CHAT: variants seen among roughly 807,000 people sequenced by gnomAD.
The protein encoded by CHAT is acetyl CoA:choline O-acetyltransferase.
In CHAT, 61 loss-of-function variants were observed where a neutral mutation model predicts 76.9. The observed-to-expected ratio is 0.79, with a 90% CI of 0.65 to 0.98. CHAT has a LOEUF of 0.98. Ranked by LOEUF, CHAT falls within the 50% of genes least tolerant of loss-of-function variation. The pLI, the probability that CHAT is intolerant of heterozygous loss-of-function variation, is 0.00. For synonymous variants in CHAT, 407 were observed against 397.4 expected (o/e 1.02, Z -0.29); for missense variants, 946 against 986.9 (o/e 0.96, Z 0.56).
chr10:49,638,113 T>C (rs1333224603), intron 7 of CHAT, among the ~76,000 whole-genome samples: 1 of 152,234 alleles, frequency 6.6e-6, no homozygotes, highest in African/African-American at 2.4e-5. Flanking sequence ...ACATATTTTA[T>C]AGTATGCTTG....
intron 10 of CHAT, 126 bp from the exon 11 acceptor site, chr10:49,651,758 C>A: frequency 1.1e-6 from 1 of 926,762 alleles, no homozygotes; most frequent in Non-Finnish European, 1.6e-6. Flanking sequence ...TCCTGAAGGG[C>A]AGGGACTACG....
intron 13 of CHAT, among the ~76,000 whole-genome samples, chr10:49,660,162 C>T (rs777167791): frequency 6.6e-5 from 10 of 152,018 alleles, no homozygotes; most frequent in African/African-American, 2.4e-4. Context: ...TGAAATTGGC[C>T]GGGTGCAGTG....
Position 49,627,681 on chromosome 10 carries a change from T to C in CHAT, c.1007T>C (p.Ile336Thr), listed in dbSNP as rs121912823. The C allele has an allele frequency of 1.9e-6, 3 of 1,614,144 alleles. No homozygotes were observed. Among genetic ancestry groups the C allele is most frequent in the Non-Finnish European group, 8.5e-7 (1 of 1,179,982 alleles). Residue 336 changes from isoleucine to threonine, a missense_variant, in exon 7 of 15, where the codon ATA (isoleucine) becomes ACA (threonine). This residue lies in a region of CHAT where 548 missense variants were observed against 516.2 expected (regional missense o/e 1.06). Coordinates refer to ENST00000337653, the MANE Select transcript of CHAT (RefSeq NM_020549.5). Reference sequence around the variant, plus strand: ...GATCTGTTCACTCAGTTGAGAAAGATAGTCAAAATGGCTTCCAACGAGGAC... The same window carrying C: ...GATCTGTTCACTCAGTTGAGAAAGACAGTCAAAATGGCTTCCAACGAGGAC... Reference protein sequence around the residue: ...EGDLFTQLRKIVKMASNEDER... With the variant: ...EGDLFTQLRKTVKMASNEDER...
chr10:49,651,410 C>T (rs767999062), intron 10 of CHAT, among the ~76,000 whole-genome samples: 4 of 152,166 alleles, frequency 2.6e-5, no homozygotes, highest in Non-Finnish European at 5.9e-5. Context: ...ATAGACCTTG[C>T]CAGACACTGC....
Position 49,627,785 on chromosome 10 carries a change from G to T in CHAT, c.1111G>T (p.Asp371Tyr). 2 of 1,613,232 alleles carry T rather than the reference G, an allele frequency of 1.2e-6. No individual in the cohort carries two copies. The highest frequency in any genetic ancestry group is 1.7e-6 in the Non-Finnish European group (2 of 1,179,856). ...CGAGGCCAGGACGGTCCTCGTGAAAGGTCAGCCGCAGTGCCCAGCACATCT... is the reference window on the plus strand; with the variant it reads ...CGAGGCCAGGACGGTCCTCGTGAAATGTCAGCCGCAGTGCCCAGCACATCT... Reference protein sequence around the residue: ...WAEARTVLVKDSTNRDSLDMI... With the variant: ...WAEARTVLVKYSTNRDSLDMI... The change falls in exon 7 of 15, where the codon GAC becomes TAC. Residue 371 changes from aspartate (D) to tyrosine (Y), a missense_variant and splice_region_variant. Transcript: ENST00000337653.
At position 49,664,938 on chromosome 10, in the gene CHAT, A is replaced by C. The variant is rs771548584; in HGVS notation, c.2139A>C (p.Glu713Asp). The part of the protein sequence containing the change: ...SSSKFAKAVE[E>D]SLIDMRDLCS... ...GCAAGTTTGCAAAAGCTGTGGAAGA[A>C]AGCCTCATTGACATGAGAGACCTCT... The change falls in exon 15 of 15, where the codon GAA (glutamate) becomes GAC (aspartate). Residue 713 changes from glutamate (E) to aspartate (D), a missense_variant. Physicochemically the swap from Glu to Asp is conservative, Grantham distance 45 (BLOSUM62 2). Transcript: ENST00000337653. The C allele has an allele frequency of 2.7e-5, 44 of 1,614,138 alleles. No homozygotes were observed. Among genetic ancestry groups the C allele is most frequent in the Non-Finnish European group, 3.6e-5 (42 of 1,180,052 alleles).
chr10:49,633,572 C>T (rs1839197531), intron 7 of CHAT, among the ~76,000 whole-genome samples: 1 of 152,164 alleles, frequency 6.6e-6, no homozygotes, highest in African/African-American at 2.4e-5. Flanking sequence ...TCAGAGGGAG[C>T]CTGCACACCC....
chr10:49,642,771 A>C (rs1419552893), intron 7 of CHAT, among the ~76,000 whole-genome samples: 1 of 152,168 alleles, frequency 6.6e-6, no homozygotes, highest in Non-Finnish European at 1.5e-5. Flanking sequence ...GGGCTCTCAG[A>C]GTTCACCCTG....
intron 14 of CHAT, among the ~76,000 whole-genome samples, chr10:49,664,306 G>C (rs17775758): frequency 0.019 from 2,851 of 152,334 alleles, 39 homozygotes; most frequent in Non-Finnish European, 0.028. Context: ...GGAGAAATCA[G>C]AGAAGCCAGG....
chr10:49,643,865 C>A (rs34210537), intron 7 of CHAT, among the ~76,000 whole-genome samples: 9,845 of 152,262 alleles, frequency 0.065, 471 homozygotes, highest in East Asian at 0.2. Flanking sequence ...GAGGCCCAGG[C>A]CCCACCCTCA....
chr10:49,611,815 T>C, upstream of CHAT: 1 of 1,603,732 alleles, frequency 6.2e-7, no homozygotes, highest in Non-Finnish European at 8.5e-7. Flanking sequence ...GCAGTGGCTG[T>C]ACGGCGCGCT....
chr10:49,640,529 C>CG (rs1190613288), intron 7 of CHAT, among the ~76,000 whole-genome samples: 2 of 151,490 alleles, frequency 1.3e-5, no homozygotes, highest in Non-Finnish European at 1.5e-5. Context: ...GCTCCCTACA[C>CG]GGTCTCTATT....
At chr10:49,618,879 C>A (rs1268080691) in intron 2 of CHAT, among the ~76,000 whole-genome samples, 1 of 152,120 alleles carries the variant, frequency 6.6e-6, no homozygotes, top group Non-Finnish European at 1.5e-5. Flanking sequence ...GCCAGTTGTT[C>A]CCCCATTTAA....
intron 10 of CHAT, among the ~76,000 whole-genome samples, chr10:49,650,199 A>G (rs991276893): frequency 6.6e-6 from 1 of 152,172 alleles, no homozygotes; most frequent in Non-Finnish European, 1.5e-5. Flanking sequence ...GCATTCATTC[A>G]CTGGTTTGCT....
chr10:49,615,598 G>C (rs1838461185), intron 1 of CHAT, among the ~76,000 whole-genome samples: 1 of 152,230 alleles, frequency 6.6e-6, no homozygotes, highest in South Asian at 2.1e-4. Flanking sequence ...CTTTAGACTT[G>C]AGAGAATAGA....
upstream of CHAT, chr10:49,610,779 G>C (rs755134161): frequency 1.3e-6 from 2 of 1,568,034 alleles, no homozygotes; most frequent in Non-Finnish European, 1.7e-6. Context: ...CCCGGGCGGC[G>C]GCCACCAAGC....
At chr10:49,631,911 TGG>T (rs1665435862) in intron 7 of CHAT, among the ~76,000 whole-genome samples, 6 of 148,170 alleles carry the variant, frequency 4.0e-5, no homozygotes, top group Admixed American at 6.8e-5. Context: ...ATATTCATGA[TGG>T]GGACCTAGGA....
At chr10:49,659,759 G>A (rs557546274) in intron 13 of CHAT, among the ~76,000 whole-genome samples, 1 of 152,116 alleles carries the variant, frequency 6.6e-6, no homozygotes, top group African/African-American at 2.4e-5. Flanking sequence ...CTACTAAGGA[G>A]GCTGAGGCAG....
chr10:49,647,832 T>C (rs1839730069), intron 8 of CHAT: 1 of 152,706 alleles, frequency 6.5e-6, no homozygotes, highest in Non-Finnish European at 1.4e-5. Flanking sequence ...CACAGATAAG[T>C]ACTAATGTGG....
Sources: gnomAD v4.1 joint callset for allele counts (sites outside exome capture counted in the v4.1 genomes callset) on GRCh38, gnomAD v4.1.1 for gene constraint, gnomAD v4.1.1 regional missense constraint, MANE v1.5 for transcripts, NCBI Gene and HGNC (gene_info 2026-07-23, HGNC 2026-07-21) for gene names.